The following CNTN4 variants were observed in gnomAD, a reference collection of about 807,000 sequenced individuals.
CNTN4 encodes contactin-4.
In CNTN4, 77 loss-of-function variants were observed where a neutral mutation model predicts 122.5. The observed-to-expected ratio is 0.63, with a 90% confidence interval of 0.52 to 0.76. The LOEUF is 0.76. CNTN4 is among the 30% of genes least tolerant of loss of function. CNTN4 has a pLI of 0.00. For synonymous variants in CNTN4, 512 were observed against 447.0 expected, an observed-to-expected ratio of 1.15 and a Z score of -1.83; for missense variants, 1,256 against 1,259.1, an observed-to-expected ratio of 1.00 and a Z score of 0.04.
At chr3:2,614,476 T>C (rs896526290) in intron 4 of CNTN4, among the ~76,000 whole-genome samples, 1 of 152,098 alleles carries the variant, frequency 6.6e-6, no homozygotes, top group Non-Finnish European at 1.5e-5. Flanking sequence ...ACAATTGAAG[T>C]ACAATTAGGC....
At chr3:2,272,130 G>A (rs923186418) in intron 2 of CNTN4, among the ~76,000 whole-genome samples, 1 of 149,118 alleles carries the variant, frequency 6.7e-6, no homozygotes, top group African/African-American at 2.4e-5. Flanking sequence ...GTACTTTCTT[G>A]ATTTGGCTTT....
intron 3 of CNTN4, among the ~76,000 whole-genome samples, chr3:2,569,692 A>G (rs894142262): frequency 6.6e-6 from 1 of 152,046 alleles, no homozygotes; most frequent in African/African-American, 2.4e-5. Flanking sequence ...GGAGTGGTCT[A>G]CCTAGGACCA....
intron 2 of CNTN4, among the ~76,000 whole-genome samples, chr3:2,198,627 G>T (rs1011883213): frequency 6.6e-6 from 1 of 152,088 alleles, no homozygotes; most frequent in African/African-American, 2.4e-5. Context: ...AGAAGAAAAA[G>T]AGAGTATAAA....
intron 3 of CNTN4, among the ~76,000 whole-genome samples, chr3:2,490,235 G>A (rs994502609): frequency 3.9e-5 from 6 of 152,206 alleles, no homozygotes; most frequent in African/African-American, 1.4e-4. Context: ...TCTGAGCATG[G>A]CTTTCTGCCG....
chr3:2,799,507 G>T (rs1046913249), intron 6 of CNTN4, among the ~76,000 whole-genome samples: 1 of 151,930 alleles, frequency 6.6e-6, no homozygotes, highest in Non-Finnish European at 1.5e-5. Context: ...CTGTCACCCA[G>T]GCTGGAGTGC....
chr3:2,571,517 G>A lies in CNTN4; in HGVS notation c.14G>A (p.Trp5Ter). Residue 5 changes from tryptophan (W) to a stop codon, truncating the protein, a stop_gained, in exon 4 of 25, where the codon TGG becomes TAG. Coordinates refer to ENST00000418658, the MANE Select transcript of CNTN4 (RefSeq NM_175607.3). LOFTEE classifies it high-confidence loss of function. MRLP[W>*]ELLVLQSFIL... ...CGGAAACTGAAGATGAGGTTGCCAT[G>A]GGAACTGCTGGTACTGCAATCATTC... 1.2e-6 allele frequency: 2 copies of A among 1,613,730 alleles called. No individual in the cohort carries two copies. Among genetic ancestry groups the A allele is most frequent in the Non-Finnish European group, 1.7e-6 (2 of 1,179,606 alleles).
intron 6 of CNTN4, among the ~76,000 whole-genome samples, chr3:2,796,712 T>C (rs2092194603): frequency 6.6e-6 from 1 of 152,220 alleles, no homozygotes. Context: ...ATTGCTTAAG[T>C]CCTTACATAA....
intron 5 of CNTN4, among the ~76,000 whole-genome samples, chr3:2,741,841 T>C (rs903809154): frequency 3.9e-5 from 6 of 152,232 alleles, no homozygotes; most frequent in South Asian, 4.1e-4. Context: ...TTTCTAGATA[T>C]AGGAGTTTGC....
At chr3:2,912,351 A>C (rs1423425452) in intron 12 of CNTN4, among the ~76,000 whole-genome samples, 2 of 152,208 alleles carry the variant, frequency 1.3e-5, no homozygotes, top group Admixed American at 1.3e-4. Flanking sequence ...TCCTTCCAAA[A>C]TGAGGGAGAA....
intron 12 of CNTN4, among the ~76,000 whole-genome samples, chr3:2,903,366 G>C (rs1577215153): frequency 6.6e-6 from 1 of 152,156 alleles, no homozygotes; most frequent in Non-Finnish European, 1.5e-5. Flanking sequence ...GTTTGGAAAG[G>C]CTTATTTGAA....
At chr3:2,833,943 C>T (rs1251924506) in intron 7 of CNTN4, among the ~76,000 whole-genome samples, 3 of 151,976 alleles carry the variant, frequency 2.0e-5, no homozygotes, top group Non-Finnish European at 2.9e-5. Context: ...AAATCGAGAC[C>T]ATCCTGGCTA....
intron 3 of CNTN4, among the ~76,000 whole-genome samples, chr3:2,484,946 G>A (rs555949274): frequency 1.2e-4 from 18 of 152,298 alleles, no homozygotes; most frequent in African/African-American, 3.6e-4. Context: ...TGCACCCTGC[G>A]CTCACCGGCC....
chr3:2,950,125 T>C (rs556528779), intron 13 of CNTN4, among the ~76,000 whole-genome samples: 1 of 152,352 alleles, frequency 6.6e-6, no homozygotes, highest in Non-Finnish European at 1.5e-5. Flanking sequence ...ACATGTGGAC[T>C]TGCAGAGACT....
chr3:2,576,899 T>A (rs1356626978), intron 4 of CNTN4, among the ~76,000 whole-genome samples: 3 of 152,148 alleles, frequency 2.0e-5, no homozygotes, highest in Non-Finnish European at 4.4e-5. Context: ...ACTGTTCCCC[T>A]GTTGTATTTT....
At chr3:2,434,675 G>A (rs2048196276) in intron 3 of CNTN4, among the ~76,000 whole-genome samples, 1 of 152,146 alleles carries the variant, frequency 6.6e-6, no homozygotes, top group African/African-American at 2.4e-5. Context: ...CTCTGTTGCA[G>A]GCACTTTATA....
chr3:2,150,757 C>CA (rs2035461435), intron 2 of CNTN4, among the ~76,000 whole-genome samples: 1 of 152,216 alleles, frequency 6.6e-6, no homozygotes, highest in Admixed American at 6.5e-5. Context: ...CACTCTCCTG[C>CA]AGCTTTTAAG....
At chr3:2,618,029 C>T (rs545805848) in intron 4 of CNTN4, among the ~76,000 whole-genome samples, 18 of 152,102 alleles carry the variant, frequency 1.2e-4, no homozygotes, top group Non-Finnish European at 2.2e-4. Flanking sequence ...TTTCTATGTG[C>T]CAGAAACTGT....
intron 4 of CNTN4, among the ~76,000 whole-genome samples, chr3:2,624,004 G>T (rs2082087282): frequency 6.6e-6 from 1 of 152,178 alleles, no homozygotes. Flanking sequence ...AGCTACAGTG[G>T]CTTTACCACT....
At chr3:2,994,335 A>G (rs916197412) in intron 14 of CNTN4, among the ~76,000 whole-genome samples, 32 of 152,116 alleles carry the variant, frequency 2.1e-4, no homozygotes, top group African/African-American at 7.2e-4. Flanking sequence ...AATTCAGTGC[A>G]TAGAATTACT....
Sources: allele counts gnomAD v4.1 joint callset (sites outside exome capture counted in the v4.1 genomes callset), GRCh38; gene constraint gnomAD v4.1.1; transcripts MANE v1.5; gene names NCBI Gene and HGNC (gene_info 2026-07-23, HGNC 2026-07-21).